The following EPHA5 variants were observed in gnomAD, a reference collection of about 807,000 sequenced individuals.
EPHA5 encodes ephrin type-A receptor 5.
In EPHA5, 60 loss-of-function variants were observed where a neutral mutation model predicts 105.0. The observed-to-expected ratio is 0.57, with a 90% CI of 0.46 to 0.71. EPHA5 has a LOEUF of 0.71. Ranked by LOEUF, EPHA5 falls within the 30% of genes least tolerant of loss-of-function variation. The pLI, the probability that EPHA5 is intolerant of heterozygous loss-of-function variation, is 0.00. For synonymous variants in EPHA5, 513 were observed against 449.1 expected, an observed-to-expected ratio of 1.14 and a Z score of -1.80; for missense variants, 1,218 against 1,274.7, an observed-to-expected ratio of 0.96 and a Z score of 0.68.
chr4:65,409,465 A>G (rs1054065844), intron 7 of EPHA5, among the ~76,000 whole-genome samples: 2 of 152,154 alleles, frequency 1.3e-5, no homozygotes, highest in Non-Finnish European at 2.9e-5. Context: ...ATGCCTGGAA[A>G]TTTTAAGGCA....
At chr4:65,630,528 G>T (rs1746536744) in intron 2 of EPHA5, among the ~76,000 whole-genome samples, 4 of 152,164 alleles carry the variant, frequency 2.6e-5, no homozygotes, top group South Asian at 4.1e-4. Flanking sequence ...CAAGTCAAAG[G>T]TCATCAGTGC....
intron 7 of EPHA5, among the ~76,000 whole-genome samples, chr4:65,407,074 C>T (rs1722433541): frequency 6.6e-6 from 1 of 152,012 alleles, no homozygotes; most frequent in South Asian, 2.1e-4. Flanking sequence ...AGCATTTTAA[C>T]TGTTCTCTCA....
intron 3 of EPHA5, among the ~76,000 whole-genome samples, chr4:65,569,215 C>A (rs1008798107): frequency 6.6e-6 from 1 of 151,146 alleles, no homozygotes; most frequent in Non-Finnish European, 1.5e-5. Flanking sequence ...TTGTTTAACC[C>A]CAAATAAAAT....
intron 3 of EPHA5, among the ~76,000 whole-genome samples, chr4:65,587,706 C>G (rs1171118606): frequency 6.6e-6 from 1 of 151,998 alleles, no homozygotes; most frequent in South Asian, 2.1e-4. Context: ...GAATCCCAGA[C>G]ATTCTTACGC....
intron 3 of EPHA5, among the ~76,000 whole-genome samples, chr4:65,538,200 C>G (rs1278754058): frequency 4.0e-5 from 6 of 151,692 alleles, no homozygotes; most frequent in Non-Finnish European, 7.4e-5. Context: ...GGAGATATAT[C>G]TAATTGCCAA....
intron 14 of EPHA5, among the ~76,000 whole-genome samples, chr4:65,345,410 C>T (rs936576351): frequency 1.3e-5 from 2 of 152,224 alleles, no homozygotes; most frequent in African/African-American, 2.4e-5. Context: ...TGATGTGTGA[C>T]CCTGGCTTTT....
intron 2 of EPHA5, among the ~76,000 whole-genome samples, chr4:65,641,174 C>A (rs1038212283): frequency 6.6e-6 from 1 of 152,086 alleles, no homozygotes; most frequent in Non-Finnish European, 1.5e-5. Flanking sequence ...TCTGTTCTTA[C>A]GAGGCTACTG....
intron 1 of EPHA5, among the ~76,000 whole-genome samples, chr4:65,643,643 C>A (rs1422401522): frequency 6.6e-6 from 1 of 151,312 alleles, no homozygotes; most frequent in Non-Finnish European, 1.5e-5. Flanking sequence ...CAGCAAAATT[C>A]TCTGAAAGCA....
intron 15 of EPHA5, among the ~76,000 whole-genome samples, chr4:65,333,538 T>C (rs956272730): frequency 3.4e-5 from 1 of 29,222 alleles, no homozygotes; most frequent in Non-Finnish European, 6.5e-5. Context: ...AGAGTGTGTG[T>C]CTGTGTGTGT....
intron 3 of EPHA5, among the ~76,000 whole-genome samples, chr4:65,524,388 A>T (rs1242629370): frequency 6.6e-6 from 1 of 151,772 alleles, no homozygotes; most frequent in Admixed American, 6.6e-5. Flanking sequence ...TTATATTTTT[A>T]TACTCTAACA....
intron 1 of EPHA5, among the ~76,000 whole-genome samples, chr4:65,666,897 A>C (rs1397979809): frequency 6.6e-6 from 1 of 152,182 alleles, no homozygotes; most frequent in Non-Finnish European, 1.5e-5. Context: ...AAATGACTAG[A>C]ATAGCAGCTA....
chr4:65,434,216 C>T (rs1725265050), intron 5 of EPHA5, among the ~76,000 whole-genome samples: 1 of 152,108 alleles, frequency 6.6e-6, no homozygotes, highest in Admixed American at 6.6e-5. Flanking sequence ...ACCTACCAAT[C>T]TCAAGATCCT....
chr4:65,335,883 A>C (rs565309561), intron 15 of EPHA5, 49 bp downstream of exon 15: 1 of 1,502,520 alleles, frequency 6.7e-7, no homozygotes, highest in Non-Finnish European at 9.0e-7. Flanking sequence ...TTGTGACATC[A>C]ATCTGAGTTA....
intron 5 of EPHA5, among the ~76,000 whole-genome samples, chr4:65,421,207 G>C (rs1330509629): frequency 6.6e-6 from 1 of 151,960 alleles, no homozygotes; most frequent in East Asian, 1.9e-4. Flanking sequence ...ACCACCACTT[G>C]TCTAATGAAA....
chr4:65,446,975 ATTTTTTT>A lies in EPHA5; in HGVS notation c.1403-26417_1403-26411del, dbSNP rs397993760. 3.9e-4 allele frequency among the ~76,000 whole-genome samples: 44 copies of A among 112,920 alleles called. No homozygotes were observed. In the East Asian group the frequency reaches 4.9e-3, roughly 12 times the overall value. 74.1% of individuals were successfully genotyped at this position (112,920 alleles called of 152,430 possible). ...ACCATGTCTGCGTTTTTAAAAGCTC[ATTTTTTT>A]TTTTTTTTTTTTTTTGTTCCTTGAG... On this transcript the variant is annotated intron_variant, in intron 5 of 16. Coordinates refer to ENST00000613740, the MANE Select transcript of EPHA5 (RefSeq NM_001281766.3).
At chr4:65,604,064 CTT>C (rs1361546426) in intron 2 of EPHA5, among the ~76,000 whole-genome samples, 1 of 4,042 alleles carries the variant, frequency 2.5e-4, no homozygotes, top group African/African-American at 4.1e-4. Context: ...TCAAAAATCT[CTT>C]CTCTATAAAA....
intron 4 of EPHA5, among the ~76,000 whole-genome samples, chr4:65,492,205 T>G (rs1731468773): frequency 6.6e-6 from 1 of 151,972 alleles, no homozygotes; most frequent in South Asian, 2.1e-4. Context: ...AGAATGTCAT[T>G]TATCTATTTA....
At chr4:65,488,475 C>T (rs4348151) in intron 5 of EPHA5, among the ~76,000 whole-genome samples, 149,797 of 152,340 alleles carry the variant, frequency 0.98, 73,705 homozygotes, top group East Asian at 1. Context: ...ATTTTTCTAA[C>T]ATGGGAAGAG....
chr4:65,345,775 TTTC>T (rs1400672105), intron 14 of EPHA5, among the ~76,000 whole-genome samples: 2 of 100,498 alleles, frequency 2.0e-5, no homozygotes, highest in African/African-American at 6.1e-5. Context: ...TTTCTTTTCT[TTTC>T]TTTTTTTTTC....
Sources: gnomAD v4.1 joint callset for allele counts (sites outside exome capture counted in the v4.1 genomes callset) on GRCh38, gnomAD v4.1.1 for gene constraint, MANE v1.5 for transcripts, NCBI Gene and HGNC (gene_info 2026-07-23, HGNC 2026-07-21) for gene names.